ADAMTS9: variants seen among roughly 807,000 people sequenced by gnomAD.
ADAMTS9 encodes the protein ADAM metallopeptidase with thrombospondin type 1 motif 9.
In ADAMTS9, 107 loss-of-function variants were observed where a neutral mutation model predicts 257.1. That is an observed-to-expected ratio of 0.42 (90% CI 0.36 to 0.49). The LOEUF (loss-of-function observed/expected upper bound fraction) is 0.49, where lower values mean the gene tolerates loss of function less well. Among genes scored for constraint, ADAMTS9 ranks in the 20% least tolerant of loss-of-function variants. The probability of loss-of-function intolerance (pLI) is 0.03; values close to 1 mark genes in which losing one functional copy is unlikely to be tolerated. For synonymous variants in ADAMTS9, 982 were observed against 880.9 expected (o/e 1.11, Z -2.03); for missense variants, 2,353 against 2,469.1 (o/e 0.95, Z 1.00).
rs1700654266 is a variant in ADAMTS9, at chr3:64,641,920, C to T, written c.1784G>A (p.Ser595Asn). ...TGTTCTGGAGCAGGTTCCAAAGGGA[C>T]TCCAACTTCCCCAGGATCCATCTGT... ...PVTDGSWGSW[S>N]PFGTCSRTCG... The change falls in exon 12 of 40, where the codon AGT becomes AAT. Residue 595 changes from serine to asparagine, a missense_variant. By Grantham distance (46) the Ser-to-Asn change is conservative. This residue lies in a region of ADAMTS9 where 360 missense variants were observed against 458.1 expected (regional missense o/e 0.79). Transcript: ENST00000498707. The T allele has an allele frequency of 6.2e-7, 1 of 1,614,144 alleles. No homozygotes were observed. The highest frequency in any genetic ancestry group is 8.5e-7 in the Non-Finnish European group (1 of 1,180,016).
intron 3 of ADAMTS9, 141 bp from the exon 4 acceptor site, chr3:64,658,932 A>G: frequency 1.2e-6 from 1 of 831,670 alleles, no homozygotes; most frequent in Non-Finnish European, 1.8e-6. Context: ...CTACAGATGC[A>G]CCTCAATCCG....
intron 38 of ADAMTS9, among the ~76,000 whole-genome samples, chr3:64,527,060 G>A (rs2106880148): frequency 6.6e-6 from 1 of 152,042 alleles, no homozygotes; most frequent in East Asian, 1.9e-4. Flanking sequence ...AAAACTTATT[G>A]ATCCTAAAGA....
chr3:64,522,309 AG>A (rs776208950), intron 38 of ADAMTS9, 49 bp from the exon 39 acceptor site: 1 of 1,561,088 alleles, frequency 6.4e-7, no homozygotes, highest in East Asian at 2.2e-5. Flanking sequence ...TAATGCTTTC[AG>A]GGCCTGCACT....
At chr3:64,597,649 C>T (rs1050782771) in intron 26 of ADAMTS9, among the ~76,000 whole-genome samples, 5 of 152,046 alleles carry the variant, frequency 3.3e-5, no homozygotes, top group Admixed American at 2.6e-4. Context: ...CATGACAAAC[C>T]TCTCTTCGGC....
intron 38 of ADAMTS9, among the ~76,000 whole-genome samples, chr3:64,524,900 T>C (rs1404027870): frequency 6.6e-6 from 1 of 152,206 alleles, no homozygotes; most frequent in African/African-American, 2.4e-5. Context: ...GCATGTGCCA[T>C]TCTCTCTGAT....
At chr3:64,592,563 G>C (rs1044648327) in intron 28 of ADAMTS9, 3 of 152,108 alleles carry the variant, frequency 2.0e-5, no homozygotes, top group Non-Finnish European at 2.9e-5. Context: ...AGAATACCAT[G>C]GAAATTAATT....
intron 23 of ADAMTS9, 26 bp from the exon 24 acceptor site, chr3:64,604,357 C>T: frequency 2.0e-6 from 3 of 1,481,988 alleles, no homozygotes; most frequent in Non-Finnish European, 2.8e-6. Flanking sequence ...GAAAAAAAAA[C>T]AAAGTCACTT....
At chr3:64,682,595 C>A (rs1701786415) in intron 2 of ADAMTS9, among the ~76,000 whole-genome samples, 1 of 152,138 alleles carries the variant, frequency 6.6e-6, no homozygotes, top group South Asian at 2.1e-4. Flanking sequence ...TTTCTCATTT[C>A]CCGTGCTGGA....
intron 32 of ADAMTS9, among the ~76,000 whole-genome samples, chr3:64,543,971 A>G (rs571373663): frequency 6.6e-6 from 1 of 152,360 alleles, no homozygotes; most frequent in East Asian, 1.9e-4. Context: ...TTATACACCA[A>G]TAACAGACAA....
At chr3:64,567,296 G>T (rs17071100) in intron 29 of ADAMTS9, among the ~76,000 whole-genome samples, 2 of 152,130 alleles carry the variant, frequency 1.3e-5, no homozygotes, top group Non-Finnish European at 2.9e-5. Context: ...GCTAGAGCCC[G>T]CCAACCTTGA....
intron 30 of ADAMTS9, among the ~76,000 whole-genome samples, chr3:64,556,372 G>A (rs768664767): frequency 1.3e-5 from 2 of 152,178 alleles, no homozygotes; most frequent in Non-Finnish European, 2.9e-5. Flanking sequence ...CCAGGCCGTA[G>A]TGCAGTGGCC....
chr3:64,533,984 A>G (rs1434521614), intron 37 of ADAMTS9, among the ~76,000 whole-genome samples: 3 of 152,248 alleles, frequency 2.0e-5, no homozygotes, highest in South Asian at 4.2e-4. Flanking sequence ...GCTTTCTCCA[A>G]TTGTCTCTCT....
intron 6 of ADAMTS9, 63 bp downstream of exon 6, chr3:64,655,513 A>C: frequency 1.5e-6 from 2 of 1,357,876 alleles, no homozygotes; most frequent in East Asian, 2.3e-5. Context: ...TTAGGAATGC[A>C]TGACCACATC....
chr3:64,541,204 G>C lies in ADAMTS9; in HGVS notation c.5412C>G (p.Pro1804=), dbSNP rs777698317. The C allele has an allele frequency of 8.7e-6, 14 of 1,614,080 alleles. No individual in the cohort carries two copies. In the Admixed American group the frequency reaches 2.3e-4, roughly 27 times the overall value. The change falls in exon 36 of 40, where the codon CCC becomes CCG. Residue 1804 remains proline, a synonymous_variant. Transcript: ENST00000498707. Reference sequence around the variant, plus strand: ...AGTCATCGCGCCGGCTCCCGTTATAGGGACATTCTGTTGGGTTGTGTAACC... The same window carrying C: ...AGTCATCGCGCCGGCTCCCGTTATACGGACATTCTGTTGGGTTGTGTAACC... ...GHRLHNPTEC[P]YNGSRRDDCQ...
At chr3:64,554,808 ACTT>A (rs776626850) in intron 30 of ADAMTS9, among the ~76,000 whole-genome samples, 28 of 152,340 alleles carry the variant, frequency 1.8e-4, no homozygotes, top group Non-Finnish European at 3.5e-4. Flanking sequence ...GGGGAAAAGA[ACTT>A]CTCCGAATTT....
chr3:64,524,070 G>A (rs1050923732), intron 38 of ADAMTS9, among the ~76,000 whole-genome samples: 1 of 152,134 alleles, frequency 6.6e-6, no homozygotes, highest in Non-Finnish European at 1.5e-5. Context: ...ACGTTAGATT[G>A]TTTTATACAC....
intron 8 of ADAMTS9, among the ~76,000 whole-genome samples, chr3:64,652,304 C>A (rs1576162416): frequency 6.6e-6 from 1 of 152,106 alleles, no homozygotes; most frequent in Admixed American, 6.6e-5. Context: ...AAAGTTTATG[C>A]CTCTTAATAC....
intron 2 of ADAMTS9, among the ~76,000 whole-genome samples, chr3:64,685,996 G>T (rs767457335): frequency 2.6e-5 from 4 of 152,192 alleles, no homozygotes; most frequent in Non-Finnish European, 5.9e-5. Flanking sequence ...TTCCTGGGAC[G>T]GGACCTGCTC....
intron 18 of ADAMTS9, among the ~76,000 whole-genome samples, chr3:64,621,824 G>A (rs2106863696): frequency 6.6e-6 from 1 of 151,270 alleles, no homozygotes; most frequent in South Asian, 2.1e-4. Context: ...AAAAAGGTAG[G>A]CGGTAGGCTG....
Sources: allele counts gnomAD v4.1 joint callset (sites outside exome capture counted in the v4.1 genomes callset), GRCh38; gene constraint gnomAD v4.1.1; regional missense constraint gnomAD v4.1.1; transcripts MANE v1.5; gene names NCBI Gene and HGNC (gene_info 2026-07-23, HGNC 2026-07-21).